The following OXSR1 variants were observed in gnomAD, a reference collection of about 807,000 sequenced individuals.
The protein encoded by OXSR1 is serine/threonine-protein kinase OSR1.
In OXSR1, 24 loss-of-function variants were observed where a neutral mutation model predicts 79.8. The observed-to-expected ratio is 0.30, with a 90% confidence interval of 0.22 to 0.42. The LOEUF is 0.42. Ranked by LOEUF, OXSR1 falls within the 10% of genes least tolerant of loss-of-function variation. The pLI is 1.00. For synonymous variants in OXSR1, 226 were observed against 209.2 expected (o/e 1.08, Z -0.69); for missense variants, 430 against 618.4 (o/e 0.70, Z 3.23).
At chr3:38,179,928 C>T (rs1701750262) in intron 1 of OXSR1, among the ~76,000 whole-genome samples, 2 of 152,112 alleles carry the variant, frequency 1.3e-5, no homozygotes. Context: ...CCTGCTTCAC[C>T]CTCCCAAGTA....
intron 10 of OXSR1, among the ~76,000 whole-genome samples, chr3:38,230,984 T>C (rs1038649738): frequency 1.3e-5 from 2 of 152,166 alleles, no homozygotes; most frequent in African/African-American, 4.8e-5. Context: ...ACTTCTCTGC[T>C]CAAGCAGACT....
chr3:38,231,550 A>G (rs1431609073), intron 10 of OXSR1, among the ~76,000 whole-genome samples: 1 of 152,108 alleles, frequency 6.6e-6, no homozygotes, highest in Non-Finnish European at 1.5e-5. Context: ...ATGACTCTCT[A>G]TCCCTTTACC....
chr3:38,194,191 A>G (rs1702033425), intron 3 of OXSR1, among the ~76,000 whole-genome samples: 1 of 152,170 alleles, frequency 6.6e-6, no homozygotes, highest in African/African-American at 2.4e-5. Context: ...ATTGAGGGAG[A>G]ACAGTTGCAG....
intron 4 of OXSR1, among the ~76,000 whole-genome samples, chr3:38,204,415 A>G (rs768229599): frequency 3.9e-5 from 6 of 152,058 alleles, no homozygotes; most frequent in Non-Finnish European, 7.4e-5. Context: ...CCCTCCCTGT[A>G]GCCACCATAG....
intron 11 of OXSR1, among the ~76,000 whole-genome samples, chr3:38,239,156 TA>T (rs1375266692): frequency 6.6e-6 from 1 of 152,202 alleles, no homozygotes; most frequent in Non-Finnish European, 1.5e-5. Flanking sequence ...TTTTTGGAGA[TA>T]TGTAATACAG....
chr3:38,184,885 A>G (rs1701850423), intron 2 of OXSR1, among the ~76,000 whole-genome samples: 1 of 91,708 alleles, frequency 1.1e-5, no homozygotes, highest in Admixed American at 1.3e-4. Context: ...TCTTAGTTCA[A>G]AAGTAGAAAG....
At chr3:38,178,425 G>A (rs940558642) in intron 1 of OXSR1, among the ~76,000 whole-genome samples, 3 of 151,832 alleles carry the variant, frequency 2.0e-5, no homozygotes, top group African/African-American at 7.3e-5. Flanking sequence ...ATAGTTATAT[G>A]TGTAAATCAT....
At chr3:38,231,244 C>T (rs777610018) in intron 10 of OXSR1, among the ~76,000 whole-genome samples, 1 of 152,018 alleles carries the variant, frequency 6.6e-6, no homozygotes, top group Non-Finnish European at 1.5e-5. Context: ...TTAATAAGCA[C>T]TGGTAAAACA....
intron 1 of OXSR1, among the ~76,000 whole-genome samples, chr3:38,181,062 A>C (rs1701775566): frequency 6.6e-6 from 1 of 151,794 alleles, no homozygotes; most frequent in African/African-American, 2.4e-5. Flanking sequence ...TATTCTACCT[A>C]ACGCATGGAT....
intron 11 of OXSR1, among the ~76,000 whole-genome samples, chr3:38,237,921 A>C (rs1702952361): frequency 6.6e-6 from 1 of 152,092 alleles, no homozygotes; most frequent in South Asian, 2.1e-4. Flanking sequence ...TGTTATATTA[A>C]AGCTACCAGA....
At position 38,223,803 on chromosome 3, in the gene OXSR1, G is replaced by T. The variant is rs1702636573; in HGVS notation, c.601-9G>T. 2 of 1,592,084 alleles carry T rather than the reference G, an allele frequency of 1.3e-6. No homozygotes were observed. Among genetic ancestry groups the T allele is most frequent in the South Asian group, 2.2e-5 (2 of 89,944 alleles). ...CTGGTAAAAATAATCATGCAAATCT[G>T]TTTTGCAGGTCCGTGGTTATGATTT... On this transcript the variant is annotated splice_polypyrimidine_tract_variant and intron_variant, in intron 6 of 17. Transcript: ENST00000311806.
chr3:38,215,844 A>G (rs1702472120), intron 4 of OXSR1, among the ~76,000 whole-genome samples: 1 of 152,144 alleles, frequency 6.6e-6, no homozygotes, highest in Non-Finnish European at 1.5e-5. Context: ...GGCCACTTTT[A>G]TCCCGATCAA....
At chr3:38,252,421 A>T (rs376096741) in intron 17 of OXSR1, 29 bp downstream of exon 17, 1 of 1,498,760 alleles carries the variant, frequency 6.7e-7, no homozygotes, top group Non-Finnish European at 9.3e-7. Flanking sequence ...TTGTGAAAAC[A>T]TCTTGCCTTT....
chr3:38,172,395 G>A (rs971793264), intron 1 of OXSR1, among the ~76,000 whole-genome samples: 10 of 152,062 alleles, frequency 6.6e-5, no homozygotes, highest in Admixed American at 1.3e-4. Context: ...GTGCCAGTTA[G>A]GTTTTATTGC....
chr3:38,242,605 A>G (rs34289807), intron 11 of OXSR1, 138 bp from the exon 12 acceptor site: 184 of 483,098 alleles, frequency 3.8e-4, no homozygotes, highest in African/African-American at 2.2e-3. Context: ...GAAAACTTTC[A>G]GTAGACTTGC....
Position 38,244,579 on chromosome 3 carries a change from G to A in OXSR1, c.1111-1496G>A, listed in dbSNP as rs1282530455. On this transcript the variant is annotated intron_variant, in intron 12 of 17. Coordinates refer to ENST00000311806, the MANE Select transcript of OXSR1 (RefSeq NM_005109.3). ...CACTTAGCATAATGTTCTCAGGTTC[G>A]TCAGTGTTGTAGCATATGTCAGAAT... Among the ~76,000 whole-genome samples the A allele has an allele frequency of 4.0e-5, 6 of 151,558 alleles. No homozygotes were observed. In the East Asian group the frequency reaches 1.2e-3, roughly 29 times the overall value.
intron 4 of OXSR1, among the ~76,000 whole-genome samples, chr3:38,214,865 A>G (rs1702452414): frequency 6.6e-6 from 1 of 152,222 alleles, no homozygotes; most frequent in Non-Finnish European, 1.5e-5. Context: ...ATATCTAAAC[A>G]TGGAGGAAAA....
rs1218220987 is a variant in OXSR1 at position 38,203,182 on chromosome 3, C to T, written c.434+4319C>T. Among the ~76,000 whole-genome samples, 8 of 152,172 alleles carry T rather than the reference C, an allele frequency of 5.3e-5. No homozygotes were observed. In the East Asian group the frequency reaches 5.8e-4, roughly 11 times the overall value. ...TTTCTTATAAGTGCGTAGAAGAAAA[C>T]GCTGACGTATGCTACTGTCTCTCTC... On this transcript the variant is annotated intron_variant, in intron 4 of 17. Coordinates refer to ENST00000311806, the MANE Select transcript of OXSR1 (RefSeq NM_005109.3).
At chr3:38,236,469 CAAAA>C (rs1186477420) in intron 10 of OXSR1, among the ~76,000 whole-genome samples, 1 of 150,224 alleles carries the variant, frequency 6.7e-6, no homozygotes, top group Admixed American at 6.6e-5. Context: ...TTTGACTTAA[CAAAA>C]AGAAAAAATA....
Sources: gnomAD v4.1 joint callset for allele counts (sites outside exome capture counted in the v4.1 genomes callset) on GRCh38, gnomAD v4.1.1 for gene constraint, MANE v1.5 for transcripts, NCBI Gene and HGNC (gene_info 2026-07-23, HGNC 2026-07-21) for gene names.